The following POU3F3 variants were observed in gnomAD, a reference collection of about 807,000 sequenced individuals.
The protein encoded by POU3F3 is POU domain, class 3, transcription factor 3.
Under a neutral mutation model 8.6 loss-of-function variants are expected in POU3F3, and 1 was observed. The observed-to-expected ratio is 0.12, with a 90% confidence interval of 0.04 to 0.55. The LOEUF is 0.55. POU3F3 is among the 20% of genes least tolerant of loss of function. POU3F3 has a pLI of 0.91. For synonymous variants in POU3F3, 418 were observed against 327.4 expected, an observed-to-expected ratio of 1.28 and a Z score of -2.99; for missense variants, 577 against 690.7, an observed-to-expected ratio of 0.84 and a Z score of 1.84.
chr2:104,904,319 C>T, the POU3F3 span, among the ~76,000 whole-genome samples: 1 of 152,076 alleles, frequency 6.6e-6, no homozygotes, highest in Non-Finnish European at 1.5e-5. Context: ...TCATCTGAAC[C>T]TATTACAGTA....
At chr2:104,859,775 CAGAG>C (rs776664230), downstream of POU3F3, among the ~76,000 whole-genome samples, 92 of 152,276 alleles carry the variant, frequency 6.0e-4, no homozygotes, top group African/African-American at 8.4e-4. Flanking sequence ...ATATATTAAA[CAGAG>C]AGAAGAAAAA....
chr2:104,912,155 C>A, the POU3F3 span, among the ~76,000 whole-genome samples: 1 of 152,130 alleles, frequency 6.6e-6, no homozygotes, highest in Non-Finnish European at 1.5e-5. Context: ...TGTTTGATTG[C>A]CGTCACTGCA....
At chr2:104,870,704 C>G in the POU3F3 span, among the ~76,000 whole-genome samples, 1 of 152,158 alleles carries the variant, frequency 6.6e-6, no homozygotes, top group Non-Finnish European at 1.5e-5. Context: ...ACTAACTGCC[C>G]CCTCCTTTCT....
rs1354369512 is a variant in POU3F3, at chr2:104,855,622, G to C, written c.112G>C (p.Gly38Arg). The change falls in exon 1 of 1, where the codon GGC (glycine) becomes CGC (arginine). Residue 38 changes from glycine to arginine, a missense_variant. This residue lies in a region of POU3F3 where 484 missense variants were observed against 422.6 expected (regional missense o/e 1.15). Coordinates refer to ENST00000361360, the MANE Select transcript of POU3F3 (RefSeq NM_006236.3). ...TGGCGGCGGCGGGGGTGGCGGCGGC[G>C]GCGGCGGCGGGGGCGGCGCAGGGGG... ...GAGGGGGGGG[G>R]GGGGGAGGGG... is the part of the protein sequence containing the mutation. The C allele has an allele frequency of 5.1e-6, 5 of 974,096 alleles. No individual in the cohort carries two copies. Among genetic ancestry groups the C allele is most frequent in the Non-Finnish European group, 6.1e-6 (5 of 823,700 alleles). 60.3% of individuals were successfully genotyped at this position (974,096 alleles called of 1,614,324 possible).
At chr2:104,885,245 A>C in the POU3F3 span, among the ~76,000 whole-genome samples, 1 of 152,328 alleles carries the variant, frequency 6.6e-6, no homozygotes, top group Admixed American at 6.5e-5. Flanking sequence ...TGACTGAAGA[A>C]AGTCTGCTGA....
At chr2:104,883,453 C>G in the POU3F3 span, among the ~76,000 whole-genome samples, 3 of 152,222 alleles carry the variant, frequency 2.0e-5, no homozygotes, top group Admixed American at 6.5e-5. Flanking sequence ...TCTCATTAGA[C>G]AGGGCTGAAA....
the POU3F3 span, among the ~76,000 whole-genome samples, chr2:104,922,356 A>C: frequency 6.6e-6 from 1 of 150,636 alleles, no homozygotes; most frequent in African/African-American, 2.4e-5. Flanking sequence ...CAGCCTTGCT[A>C]GACAAAGACT....
the POU3F3 span, among the ~76,000 whole-genome samples, chr2:104,872,894 G>A: frequency 6.6e-6 from 1 of 152,138 alleles, no homozygotes; most frequent in African/African-American, 2.4e-5. This position sits in a 1 kb window ranked among gnomAD's most constrained non-coding sequence, Gnocchi z 4.6. Flanking sequence ...GAGAAGAGGT[G>A]AACTTGGTGG....
chr2:104,859,148 C>T (rs1339248814), downstream of POU3F3, among the ~76,000 whole-genome samples: 5 of 151,920 alleles, frequency 3.3e-5, no homozygotes, highest in Non-Finnish European at 5.9e-5. Flanking sequence ...TTTTTCCCCC[C>T]GTAATAAAAG....
chr2:104,862,143 C>G (rs1429456708), downstream of POU3F3, among the ~76,000 whole-genome samples: 1 of 152,176 alleles, frequency 6.6e-6, no homozygotes, highest in Non-Finnish European at 1.5e-5. Flanking sequence ...TCCTAAAATG[C>G]GGGCGCGAGC....
the POU3F3 span, among the ~76,000 whole-genome samples, chr2:104,886,560 G>A: frequency 1.3e-5 from 2 of 152,028 alleles, no homozygotes; most frequent in South Asian, 2.1e-4. Flanking sequence ...CTTGGATCTC[G>A]CACAAGAAAG....
At chr2:104,877,846 C>T in the POU3F3 span, among the ~76,000 whole-genome samples, 4 of 151,582 alleles carry the variant, frequency 2.6e-5, no homozygotes, top group East Asian at 3.9e-4. Flanking sequence ...TTAGTAGAGA[C>T]GGGGTTTCAC....
At chr2:104,927,390 G>T in the POU3F3 span, among the ~76,000 whole-genome samples, 1 of 151,936 alleles carries the variant, frequency 6.6e-6, no homozygotes, top group Non-Finnish European at 1.5e-5. Flanking sequence ...AAGGGAAAGG[G>T]GGTAGAAAGG....
rs571976107 is a variant in POU3F3, at chr2:104,857,820, A to T, written c.*807A>T. ...TAACAGACTGAATAGCAAAGCCAAAAGAAAAGTATCCTCAAAGTAACCTTG... is the reference window on the plus strand; with the variant it reads ...TAACAGACTGAATAGCAAAGCCAAATGAAAAGTATCCTCAAAGTAACCTTG... On this transcript the variant is annotated 3_prime_UTR_variant, in exon 1 of 1. Coordinates refer to ENST00000361360, the MANE Select transcript of POU3F3 (RefSeq NM_006236.3). The T allele has an allele frequency of 6.6e-6, 1 of 152,404 alleles. No individual in the cohort carries two copies. Among genetic ancestry groups the T allele is most frequent in the African/African-American group, 2.4e-5 (1 of 41,606 alleles). The allele number at this position is 152,404 out of a possible 1,614,324, so 9.4% of individuals were successfully genotyped here.
chr2:104,906,595 G>A, the POU3F3 span, among the ~76,000 whole-genome samples: 8 of 152,078 alleles, frequency 5.3e-5, no homozygotes, highest in African/African-American at 1.9e-4. Context: ...GATTGTACTG[G>A]GAAGGACTGA....
At chr2:104,888,628 A>C in the POU3F3 span, among the ~76,000 whole-genome samples, 1 of 152,114 alleles carries the variant, frequency 6.6e-6, no homozygotes, top group Non-Finnish European at 1.5e-5. Context: ...GAAGGAAGGA[A>C]ATTGAGGGAG....
the POU3F3 span, among the ~76,000 whole-genome samples, chr2:104,883,875 G>C: frequency 4.6e-5 from 7 of 152,180 alleles, no homozygotes; most frequent in Admixed American, 1.3e-4. Flanking sequence ...CTGGTTCAGA[G>C]AGAGATCCCT....
the POU3F3 span, among the ~76,000 whole-genome samples, chr2:104,910,984 T>G: frequency 6.6e-6 from 1 of 152,180 alleles, no homozygotes; most frequent in Non-Finnish European, 1.5e-5. Context: ...CGATTTAAAG[T>G]ATATGGGAGG....
the POU3F3 span, among the ~76,000 whole-genome samples, chr2:104,883,681 C>T: frequency 4.6e-5 from 7 of 152,180 alleles, no homozygotes; most frequent in Admixed American, 6.5e-5. Flanking sequence ...AGCACTCTTC[C>T]GTAGCCGCTG....
Sources: gnomAD v4.1 joint callset for allele counts (sites outside exome capture counted in the v4.1 genomes callset) on GRCh38, gnomAD v4.1.1 for gene constraint, gnomAD v4.1.1 regional missense constraint, Gnocchi (gnomAD v3.1) non-coding constraint, MANE v1.5 for transcripts, NCBI Gene and HGNC (gene_info 2026-07-23, HGNC 2026-07-21) for gene names.